The following SI variants were observed in gnomAD, a reference collection of about 807,000 sequenced individuals.
The protein encoded by SI is sucrase-isomaltase.
Under a neutral mutation model 253.3 loss-of-function variants are expected in SI, and 235 were observed. The ratio of observed to expected loss-of-function variants is 0.93; its 90% CI spans 0.83 to 1.03. SI has a LOEUF of 1.03. SI is among the 50% of genes least tolerant of loss of function. The pLI is 0.00. For synonymous variants in SI, 819 were observed against 712.0 expected, an observed-to-expected ratio of 1.15 and a Z score of -2.39; for missense variants, 2,442 against 2,211.1, an observed-to-expected ratio of 1.10 and a Z score of -2.09.
intron 27 of SI, among the ~76,000 whole-genome samples, chr3:165,020,642 T>C (rs1179558815): frequency 6.6e-6 from 1 of 151,566 alleles, no homozygotes; most frequent in East Asian, 1.9e-4. Context: ...AACATCCTGA[T>C]AACATCATCT....
chr3:165,058,891 C>CACACACACTCACA, intron 12 of SI, 72 bp downstream of exon 12: 1 of 1,284,460 alleles, frequency 7.8e-7, no homozygotes, highest in Non-Finnish European at 1.1e-6. Flanking sequence ...CACACACGCA[C>CACACACACTCACA]ATCCACAGAA....
chr3:165,049,848 G>T lies in SI; in HGVS notation c.1540C>A (p.Gln514Lys). Residue 514 changes from glutamine (Q) to lysine (K), a missense_variant, in exon 14 of 48, where the codon CAA becomes AAA. Coordinates refer to ENST00000264382, the MANE Select transcript of SI (RefSeq NM_001041.4). Reference sequence around the variant, plus strand: ...ACATTACATCCTTTTGTTGAACCTTGAATAAAGCTGGAAACTTCATTCATG... The same window carrying T: ...ACATTACATCCTTTTGTTGAACCTTTAATAAAGCTGGAAACTTCATTCATG... Reference protein sequence around the residue: ...IDMNEVSSFIQGSTKGCNVNK... With the variant: ...IDMNEVSSFIKGSTKGCNVNK... The T allele has an allele frequency of 6.2e-7, 1 of 1,607,652 alleles. No individual in the cohort carries two copies. The highest frequency in any genetic ancestry group is 8.5e-7 in the Non-Finnish European group (1 of 1,174,874).
Position 165,030,877 on chromosome 3 carries a change from CAAAAAAAA to C in SI, c.2737-18_2737-11del. On this transcript the variant is annotated splice_polypyrimidine_tract_variant and intron_variant, in intron 24 of 47. Coordinates refer to ENST00000264382, the MANE Select transcript of SI (RefSeq NM_001041.4). ...CTGCAATTAGGAGAACCTTTGAAGA[CAAAAAAAA>C]AAAAAGAAAAAAAGAAAAAAAAAAC... 2 of 1,213,840 alleles carry C rather than the reference CAAAAAAAA, an allele frequency of 1.6e-6. No homozygotes were observed. The highest frequency in any genetic ancestry group is 3.2e-5 in the East Asian group (1 of 30,948). 75.2% of individuals were successfully genotyped at this position (1,213,840 alleles called of 1,614,324 possible).
Position 165,065,365 on chromosome 3 carries a change from T to G in SI, c.703A>C (p.Ser235Arg). Residue 235 changes from serine (S) to arginine (R), a missense_variant, in exon 7 of 48, where the codon AGT (serine) becomes CGT (arginine). By Grantham distance (110) the Ser-to-Arg change is moderately radical (BLOSUM62 -1). Transcript: ENST00000264382. ...QYLQISTRLP[S>R]DYIYGIGEQV... Reference sequence around the variant, plus strand: ...TCTCCAATACCATAAATATAATCACTTGGAAGACGGGTTGAGATCTGTAAG... The same window carrying G: ...TCTCCAATACCATAAATATAATCACGTGGAAGACGGGTTGAGATCTGTAAG... 1 of 1,594,476 alleles carries G rather than the reference T, an allele frequency of 6.3e-7. No homozygotes were observed. Among genetic ancestry groups the G allele is most frequent in the Non-Finnish European group, 8.6e-7 (1 of 1,164,484 alleles).
intron 13 of SI, among the ~76,000 whole-genome samples, chr3:165,050,400 A>G (rs1713366898): frequency 6.6e-6 from 1 of 152,126 alleles, no homozygotes; most frequent in South Asian, 2.1e-4. Context: ...TCTCTGAAAC[A>G]TTCAGAGAAC....
intron 25 of SI, among the ~76,000 whole-genome samples, chr3:165,027,794 A>G (rs1712007764): frequency 1.3e-5 from 2 of 151,390 alleles, no homozygotes; most frequent in South Asian, 2.1e-4. Flanking sequence ...ATACTTCAAC[A>G]TAATAAAAAC....
At chr3:165,078,528 C>T (rs529865022), upstream of SI, 152 of 152,010 alleles carry the variant, frequency 1.0e-3, no homozygotes, top group African/African-American at 3.6e-3. Flanking sequence ...TATATATTGA[C>T]CTACTCATAA....
intron 3 of SI, among the ~76,000 whole-genome samples, chr3:165,071,073 G>A (rs750907961): frequency 6.6e-5 from 10 of 151,958 alleles, no homozygotes; most frequent in South Asian, 2.1e-4. Flanking sequence ...GTCATTCGAC[G>A]CAAGGCCCAA....
In SI at chr3:164,996,553, G is replaced by A; in HGVS notation, c.4674C>T (p.His1558=). 1 of 1,564,006 alleles carries A rather than the reference G, an allele frequency of 6.4e-7. No homozygotes were observed. The highest frequency in any genetic ancestry group is 1.1e-5 in the South Asian group (1 of 90,088). ...TACATACTCTAGTATTTGCAATGTTGTGATTCCTTGAGTATGGATAAAATG... is the reference window on the plus strand; with the variant it reads ...TACATACTCTAGTATTTGCAATGTTATGATTCCTTGAGTATGGATAAAATG... ...LGAFYPYSRN[H]NIANTRRQDP... is the part of the protein sequence containing the mutation. Residue 1558 remains histidine, a synonymous_variant, in exon 40 of 48, where the codon CAC becomes CAT. Coordinates refer to ENST00000264382, the MANE Select transcript of SI (RefSeq NM_001041.4).
intron 47 of SI, among the ~76,000 whole-genome samples, chr3:164,981,360 A>G (rs1244454617): frequency 6.6e-6 from 1 of 152,048 alleles, no homozygotes; most frequent in Non-Finnish European, 1.5e-5. Flanking sequence ...GGTGCTGTTT[A>G]ACTCTGACAT....
At chr3:165,033,371 T>A (rs199964232) in intron 23 of SI, 24 bp downstream of exon 23, 1,313 of 1,542,002 alleles carry the variant, frequency 8.5e-4, no homozygotes, top group Non-Finnish European at 1.1e-3. Flanking sequence ...TGCATTTAAG[T>A]ATATGTACAA....
At chr3:165,032,987 T>C (rs1197186714) in intron 23 of SI, among the ~76,000 whole-genome samples, 6 of 151,544 alleles carry the variant, frequency 4.0e-5, no homozygotes, top group Non-Finnish European at 7.4e-5. Flanking sequence ...GAAGAATGTA[T>C]GAAAAAACCC....
Position 165,043,107 on chromosome 3 carries a change from A to C in SI, c.1956T>G (p.Leu652=). 6.2e-7 allele frequency: 1 copy of C among 1,612,740 alleles called. No homozygotes were observed. Among genetic ancestry groups the C allele is most frequent in the Non-Finnish European group, 8.5e-7 (1 of 1,179,172 alleles). The change falls in exon 17 of 48, where the codon CTT becomes CTG. Residue 652 remains leucine (L), a synonymous_variant. Transcript: ENST00000264382. ...TTCTGGAAAATGGATAAAATGCCCC[A>C]AGTTGCATCCATCTTCTGCAAAGTT... ...TEELCRRWMQ[L]GAFYPFSRNH...
At position 165,067,405 on chromosome 3, in the gene SI, A is replaced by G. The variant is rs1714299831; in HGVS notation, c.570T>C (p.Tyr190=). Residue 190 remains tyrosine, a synonymous_variant, in exon 6 of 48, where the codon TAT becomes TAC. Coordinates refer to ENST00000264382, the MANE Select transcript of SI (RefSeq NM_001041.4). The stretch of plus-strand genomic sequence containing the variant: ...ATGGGTTTTGGGCAACCTTCACATC[A>G]TACAACGTATCAGAAACTGTGGGTC... ...FTGPTVSDTL[Y]DVKVAQNPFS... is the part of the protein sequence containing the mutation. 4 of 1,612,822 alleles carry G rather than the reference A, an allele frequency of 2.5e-6. No individual in the cohort carries two copies. In the East Asian group the frequency reaches 8.9e-5, roughly 36 times the overall value.
chr3:165,017,840 T>C lies in SI; in HGVS notation c.3554A>G (p.Tyr1185Cys). ...ATCCAAGATCCCTCCAACTGTACGGTAAGTTAGAGCAGGAGTTGGCTGGAA... is the reference window on the plus strand; with the variant it reads ...ATCCAAGATCCCTCCAACTGTACGGCAAGTTAGAGCAGGAGTTGGCTGGAA... ...VTFQPTPALT[Y>C]RTVGGILDFY... Residue 1185 changes from tyrosine (Y) to cysteine (C), a missense_variant, in exon 30 of 48, where the codon TAC becomes TGC. By Grantham distance (194) the Tyr-to-Cys change is radical. Transcript: ENST00000264382. The C allele has an allele frequency of 6.2e-7, 1 of 1,612,918 alleles. No homozygotes were observed. Among genetic ancestry groups the C allele is most frequent in the Non-Finnish European group, 8.5e-7 (1 of 1,179,284 alleles).
chr3:164,991,122 T>A (rs1717713540), intron 44 of SI, among the ~76,000 whole-genome samples: 2 of 152,072 alleles, frequency 1.3e-5, no homozygotes, highest in African/African-American at 2.4e-5. Context: ...CTCCATGTCA[T>A]CCCCATGGGA....
chr3:165,018,684 T>A (rs2108177634), intron 28 of SI, among the ~76,000 whole-genome samples: 1 of 151,524 alleles, frequency 6.6e-6, no homozygotes, highest in East Asian at 1.9e-4. Context: ...TTATAGTAAT[T>A]TATTTTTAGT....
intron 33 of SI, among the ~76,000 whole-genome samples, chr3:165,014,631 A>G (rs1296137301): frequency 6.6e-6 from 1 of 152,108 alleles, no homozygotes; most frequent in Non-Finnish European, 1.5e-5. Context: ...ATTGCTTTAT[A>G]TAAAAGCCAA....
chr3:165,059,358 C>T, intron 10 of SI, 59 bp from the exon 11 acceptor site: 1 of 1,478,824 alleles, frequency 6.8e-7, no homozygotes, highest in Admixed American at 1.7e-5. Flanking sequence ...CTAATCAAGT[C>T]AATCTTTAAC....
Sources: allele counts gnomAD v4.1 joint callset (sites outside exome capture counted in the v4.1 genomes callset), GRCh38; gene constraint gnomAD v4.1.1; transcripts MANE v1.5; gene names NCBI Gene and HGNC (gene_info 2026-07-23, HGNC 2026-07-21).